RIMS1: variants seen among roughly 807,000 people sequenced by gnomAD.
RIMS1 encodes regulating synaptic membrane exocytosis protein 1.
RIMS1 carries 83 observed loss-of-function variants against 214.1 expected under a neutral mutation model. That is an observed-to-expected ratio of 0.39 (90% confidence interval 0.32 to 0.47). The LOEUF is 0.47. RIMS1 is among the 20% of genes least tolerant of loss of function. RIMS1 has a pLI of 0.99. For missense variants in RIMS1, 2,050 were observed against 2,161.8 expected, an observed-to-expected ratio of 0.95 and a Z score of 1.03; for synonymous variants, 793 against 786.8, an observed-to-expected ratio of 1.01 and a Z score of -0.13.
intron 1 of RIMS1, among the ~76,000 whole-genome samples, chr6:71,939,753 C>T (rs571198540): frequency 9.9e-5 from 15 of 152,202 alleles, no homozygotes; most frequent in Admixed American, 6.5e-4. Flanking sequence ...ACCTAATAAC[C>T]GCTTAAAGTT....
chr6:72,383,993 G>A (rs2098542363), intron 29 of RIMS1, among the ~76,000 whole-genome samples: 1 of 152,012 alleles, frequency 6.6e-6, no homozygotes, highest in African/African-American at 2.4e-5. Context: ...GCTTAATCAG[G>A]TGATACTCTT....
intron 19 of RIMS1, chr6:72,261,467 A>G: frequency 1.0e-6 from 1 of 973,264 alleles, no homozygotes; most frequent in Non-Finnish European, 1.2e-6. Context: ...TGTTAATCTC[A>G]TTACATCTTT....
chr6:72,201,604 A>G (rs1363473852), intron 6 of RIMS1, among the ~76,000 whole-genome samples: 1 of 152,206 alleles, frequency 6.6e-6, no homozygotes. Flanking sequence ...ATGGGTATTG[A>G]GATCTGCCGA....
intron 10 of RIMS1, 99 bp from the exon 11 acceptor site, chr6:72,245,716 G>A (rs1289835250): frequency 1.1e-6 from 1 of 874,304 alleles, no homozygotes; most frequent in Non-Finnish European, 1.9e-6. Context: ...CACCTGTAAA[G>A]ACCCAGCAGG....
In RIMS1 at chr6:72,093,661, A is replaced by AT. The variant is rs200378627; in HGVS notation, c.246-3279dup. Among the ~76,000 whole-genome samples, 96 of 151,128 alleles carry AT rather than the reference A, an allele frequency of 6.4e-4. 3 individuals carry two copies. In the East Asian group the frequency reaches 0.015, roughly 24 times the overall value. ...ACATTTGTGATTCCTCATGTGTTAG[A>AT]TTTTTTTTTACCATGTCATACTGTA... is the stretch of plus-strand genomic sequence containing the variant. On this transcript the variant is annotated intron_variant, in intron 2 of 33. Coordinates refer to ENST00000521978, the MANE Select transcript of RIMS1 (RefSeq NM_014989.7).
chr6:72,244,401 A>G (rs1349314867), intron 10 of RIMS1, among the ~76,000 whole-genome samples: 3 of 151,876 alleles, frequency 2.0e-5, no homozygotes, highest in Non-Finnish European at 3.0e-5. Context: ...ACATATTTTC[A>G]ACAACTTTGC....
Position 72,203,924 on chromosome 6 carries a change from T to A in RIMS1, c.1678+20775T>A, listed in dbSNP as rs566931656. On this transcript the variant is annotated intron_variant, in intron 6 of 33. Coordinates refer to ENST00000521978, the MANE Select transcript of RIMS1 (RefSeq NM_014989.7). ...GAAGTGCTAGTCCTCCCATGAGAAT[T>A]TTTTTTTGGTATCATAAGATGAGCT... is the stretch of plus-strand genomic sequence containing the variant. 2.6e-5 allele frequency among the ~76,000 whole-genome samples: 4 copies of A among 151,968 alleles called. No homozygotes were observed. In the East Asian group the frequency reaches 5.8e-4, roughly 22 times the overall value.
intron 6 of RIMS1, among the ~76,000 whole-genome samples, chr6:72,223,865 G>A (rs1354520186): frequency 1.5e-4 from 22 of 145,968 alleles, no homozygotes; most frequent in African/African-American, 4.3e-4. Flanking sequence ...GGTGAATGGC[G>A]TAAACCTGGG....
intron 31 of RIMS1, 99 bp from the exon 32 acceptor site, chr6:72,398,150 A>C (rs2098800599): frequency 1.5e-6 from 1 of 659,358 alleles, no homozygotes; most frequent in African/African-American, 1.8e-5. Flanking sequence ...CAAAATCATG[A>C]AGATAAAAAT....
Position 72,097,027 on chromosome 6 carries a change from G to A in RIMS1, c.324G>A (p.Glu108=), listed in dbSNP as rs746762957. 1 of 1,613,986 alleles carries A rather than the reference G, an allele frequency of 6.2e-7. No homozygotes were observed. Among genetic ancestry groups the A allele is most frequent in the Non-Finnish European group, 8.5e-7 (1 of 1,179,864 alleles). The change falls in exon 3 of 34, where the codon GAG becomes GAA. Residue 108 remains glutamate, a synonymous_variant. Transcript: ENST00000521978. The part of the protein sequence containing the change: ...IGEEARRYQG[E]HKDDAPTCGI... The stretch of plus-strand genomic sequence containing the variant: ...AAGAAGCGCGGCGTTACCAGGGCGA[G>A]CACAAAGACGATGCTCCGACTTGTG...
chr6:72,034,151 A>G (rs559724824), intron 2 of RIMS1, among the ~76,000 whole-genome samples: 1 of 152,306 alleles, frequency 6.6e-6, no homozygotes, highest in East Asian at 1.9e-4. Context: ...ATTGCCAGAA[A>G]AAATTACAAG....
chr6:72,298,770 T>C (rs1270338788), intron 26 of RIMS1, among the ~76,000 whole-genome samples: 1 of 151,936 alleles, frequency 6.6e-6, no homozygotes, highest in African/African-American at 2.4e-5. Context: ...TTCTCCTCCC[T>C]TTCCCTATTG....
At chr6:72,309,684 C>T (rs1163211743) in intron 27 of RIMS1, among the ~76,000 whole-genome samples, 1 of 151,938 alleles carries the variant, frequency 6.6e-6, no homozygotes, top group Non-Finnish European at 1.5e-5. Context: ...AGTACTATGG[C>T]TCTTACTGAA....
At chr6:72,010,727 A>G (rs1277553735) in intron 2 of RIMS1, among the ~76,000 whole-genome samples, 2 of 152,208 alleles carry the variant, frequency 1.3e-5, no homozygotes, top group Admixed American at 1.3e-4. Context: ...TCCCATTCAC[A>G]ATTGCTTCAA....
At chr6:72,196,909 A>G (rs2496518) in intron 6 of RIMS1, among the ~76,000 whole-genome samples, 107,853 of 151,674 alleles carry the variant, frequency 0.71, 38,693 homozygotes, top group East Asian at 0.84. Flanking sequence ...AGTGAGAGGG[A>G]GCACTTCAAG....
intron 4 of RIMS1, among the ~76,000 whole-genome samples, chr6:72,124,889 T>C (rs892483156): frequency 2.6e-5 from 4 of 152,204 alleles, no homozygotes; most frequent in Non-Finnish European, 5.9e-5. Context: ...TAATCTTTTT[T>C]CAAGGTTTTT....
At chr6:72,156,020 G>A in intron 4 of RIMS1, 1 of 318,740 alleles carries the variant, frequency 3.1e-6, no homozygotes, top group Non-Finnish European at 6.4e-6. Flanking sequence ...CCTGTTGGTA[G>A]GAATGTAAAT....
In RIMS1 at chr6:72,009,211, C is replaced by T. The variant is rs1304975317; in HGVS notation, c.245+40148C>T. 2.2e-4 allele frequency among the ~76,000 whole-genome samples: 33 copies of T among 152,174 alleles called. 1 individual carries two copies. Among genetic ancestry groups the T allele is most frequent in the Non-Finnish European group, 4.9e-4 (33 of 68,036 alleles). On this transcript the variant is annotated intron_variant, in intron 2 of 33. Coordinates refer to ENST00000521978, the MANE Select transcript of RIMS1 (RefSeq NM_014989.7). Reference sequence around the variant, plus strand: ...AACTACATGGAAACTGAACAACCTGCTCCTGAATGACTACTGGATACATAA... The same window carrying T: ...AACTACATGGAAACTGAACAACCTGTTCCTGAATGACTACTGGATACATAA...
chr6:72,138,984 C>A (rs536126479), intron 4 of RIMS1, among the ~76,000 whole-genome samples: 1 of 152,170 alleles, frequency 6.6e-6, no homozygotes, highest in South Asian at 2.1e-4. Context: ...ATGAGCAGTG[C>A]TATATTTTAT....
Sources: gnomAD v4.1 joint callset for allele counts (sites outside exome capture counted in the v4.1 genomes callset) on GRCh38, gnomAD v4.1.1 for gene constraint, MANE v1.5 for transcripts, NCBI Gene and HGNC (gene_info 2026-07-23, HGNC 2026-07-21) for gene names.